Variants in OPCML observed in about 807,000 individuals in gnomAD.
OPCML encodes opioid binding protein/cell adhesion molecule like, also known as opioid-binding protein/cell adhesion molecule.
Under a neutral mutation model 37.8 loss-of-function variants are expected in OPCML, and 13 were observed. That is an observed-to-expected ratio of 0.34 (90% CI 0.22 to 0.55). The LOEUF (loss-of-function observed/expected upper bound fraction) is 0.55. Among genes scored for constraint, OPCML ranks in the 20% least tolerant of loss-of-function variants. OPCML has a pLI of 0.91. For missense variants in OPCML, 341 were observed against 435.6 expected, an observed-to-expected ratio of 0.78 and a Z score of 1.93; for synonymous variants, 176 against 168.8, an observed-to-expected ratio of 1.04 and a Z score of -0.33.
intron 3 of OPCML, among the ~76,000 whole-genome samples, chr11:132,553,181 G>A (rs560552039): frequency 2.0e-4 from 31 of 152,292 alleles, no homozygotes; most frequent in African/African-American, 7.5e-4. Context: ...GGAAGCATCA[G>A]TCATCTCCCA....
At chr11:132,901,367 T>C (rs1944056151) in intron 2 of OPCML, among the ~76,000 whole-genome samples, 1 of 152,132 alleles carries the variant, frequency 6.6e-6, no homozygotes, top group African/African-American at 2.4e-5. Flanking sequence ...CCTTTTAAAC[T>C]GAATAAATAA....
chr11:133,373,528 G>C (rs1944730185), intron 1 of OPCML, among the ~76,000 whole-genome samples: 1 of 149,798 alleles, frequency 6.7e-6, no homozygotes, highest in South Asian at 2.1e-4. Flanking sequence ...GGGATGCTGA[G>C]GTGGGAGGAT....
chr11:133,094,356 A>T (rs73039139), intron 1 of OPCML, among the ~76,000 whole-genome samples: 13,935 of 152,198 alleles, frequency 0.092, 919 homozygotes, highest in African/African-American at 0.19. Context: ...CCATACTAAA[A>T]ATCTGTCATA....
At chr11:133,339,038 C>T (rs1266689185) in intron 1 of OPCML, among the ~76,000 whole-genome samples, 1 of 152,164 alleles carries the variant, frequency 6.6e-6, no homozygotes, top group African/African-American at 2.4e-5. Context: ...TGAGACCCAC[C>T]TGTCACACCA....
intron 1 of OPCML, among the ~76,000 whole-genome samples, chr11:133,463,728 C>T (rs1338349838): frequency 6.6e-6 from 1 of 152,068 alleles, no homozygotes. Context: ...TCGAATTTAG[C>T]TGATGGAGTA....
At chr11:132,914,278 G>A (rs1944534349) in intron 2 of OPCML, among the ~76,000 whole-genome samples, 1 of 152,192 alleles carries the variant, frequency 6.6e-6, no homozygotes, top group African/African-American at 2.4e-5. Context: ...AATGCTTAGT[G>A]TCTTCCCAGT....
chr11:132,843,864 G>C (rs1371186127), intron 2 of OPCML, among the ~76,000 whole-genome samples: 1 of 152,206 alleles, frequency 6.6e-6, no homozygotes, highest in Non-Finnish European at 1.5e-5. Context: ...ACAAAGGATT[G>C]TTAAGGTATC....
intron 1 of OPCML, among the ~76,000 whole-genome samples, chr11:133,327,273 T>C (rs967936118): frequency 1.3e-5 from 2 of 151,830 alleles, no homozygotes; most frequent in South Asian, 4.2e-4. Flanking sequence ...GGTGAGGGGT[T>C]AGGAAGTGTT....
chr11:133,240,920 C>T lies in OPCML; in HGVS notation c.61+291344G>A, dbSNP rs187668477. ...TTTTTACCTTTCCTCCATATCCAGT[C>T]GGTCACTACCCTCTGCCAATTCTTT... On this transcript the variant is annotated intron_variant, in intron 1 of 7. Coordinates refer to ENST00000524381, the MANE Select transcript of OPCML (RefSeq NM_001012393.5). 1.7e-3 allele frequency among the ~76,000 whole-genome samples: 260 copies of T among 152,330 alleles called. 2 individuals are homozygous for T. Among genetic ancestry groups the T allele is most frequent in the African/African-American group, 6.0e-3 (250 of 41,566 alleles).
chr11:133,229,436 G>A (rs564165625), intron 1 of OPCML, among the ~76,000 whole-genome samples: 70 of 152,260 alleles, frequency 4.6e-4, no homozygotes, highest in African/African-American at 1.7e-3. Flanking sequence ...TCAAAGAGAA[G>A]CTGTAAAGTA....
At chr11:133,067,146 G>A (rs1948454241) in intron 1 of OPCML, 1 of 152,206 alleles carries the variant, frequency 6.6e-6, no homozygotes, top group African/African-American at 2.4e-5. Flanking sequence ...TAAGTTTGCA[G>A]AGCACTTCCA....
rs185578252 is a variant in OPCML, at chr11:133,420,912, A to G, written c.61+111352T>C. 2.1e-4 allele frequency: 204 copies of G among 985,402 alleles called. 1 individual carries two copies. The African/African-American group carries it at 3.4e-3, about 16-fold the overall frequency. 61.0% of individuals were successfully genotyped at this position (985,402 alleles called of 1,614,324 possible). Reference sequence around the variant, plus strand: ...CATGAGCCTTCAAGGAAAACAGTAAAAAGGATTACAGTGGCTGATAATTGG... The same window carrying G: ...CATGAGCCTTCAAGGAAAACAGTAAGAAGGATTACAGTGGCTGATAATTGG... On this transcript the variant is annotated intron_variant, in intron 1 of 7. Transcript: ENST00000524381.
At chr11:132,730,236 T>C (rs1276426871) in intron 2 of OPCML, among the ~76,000 whole-genome samples, 3 of 151,912 alleles carry the variant, frequency 2.0e-5, no homozygotes, top group Admixed American at 6.6e-5. Flanking sequence ...GTGTAACAGG[T>C]ACCAAATGCA....
chr11:133,263,989 A>G (rs1218645722), intron 1 of OPCML, among the ~76,000 whole-genome samples: 1 of 152,186 alleles, frequency 6.6e-6, no homozygotes, highest in Non-Finnish European at 1.5e-5. Context: ...GGAACAGTGA[A>G]GGAATATTAT....
At chr11:133,350,070 A>G (rs1944096815) in intron 1 of OPCML, among the ~76,000 whole-genome samples, 2 of 152,214 alleles carry the variant, frequency 1.3e-5, no homozygotes. Context: ...TGGTCTGGAT[A>G]GAAAAGCCAA....
chr11:132,511,668 C>T (rs939064443), intron 4 of OPCML, among the ~76,000 whole-genome samples: 2 of 151,960 alleles, frequency 1.3e-5, no homozygotes, highest in Non-Finnish European at 2.9e-5. Flanking sequence ...ATGTTTTCCA[C>T]AGATGCTTTT....
At chr11:132,801,093 T>G (rs1268297587) in intron 2 of OPCML, among the ~76,000 whole-genome samples, 6 of 152,210 alleles carry the variant, frequency 3.9e-5, no homozygotes, top group Non-Finnish European at 5.9e-5. Context: ...CTACTCAAAT[T>G]TTTAATTTCT....
At chr11:132,760,936 C>G (rs2136097079) in intron 2 of OPCML, among the ~76,000 whole-genome samples, 1 of 152,224 alleles carries the variant, frequency 6.6e-6, no homozygotes, top group Non-Finnish European at 1.5e-5. Context: ...GTGGCTGGTA[C>G]CAGTTTTTCC....
chr11:132,596,505 C>G (rs1483262937), intron 3 of OPCML, among the ~76,000 whole-genome samples: 1 of 152,108 alleles, frequency 6.6e-6, no homozygotes, highest in African/African-American at 2.4e-5. Context: ...AAATGACAGA[C>G]AGAGAAGTTT....
Sources: allele counts gnomAD v4.1 joint callset (sites outside exome capture counted in the v4.1 genomes callset), GRCh38; gene constraint gnomAD v4.1.1; transcripts MANE v1.5; gene names NCBI Gene and HGNC (gene_info 2026-07-23, HGNC 2026-07-21).